The following DCLK2 variants were observed in gnomAD, a reference collection of about 807,000 sequenced individuals.
DCLK2 encodes the protein doublecortin like kinase 2.
In DCLK2, 31 loss-of-function variants were observed where a neutral mutation model predicts 78.4. The observed-to-expected ratio is 0.40, with a 90% CI of 0.30 to 0.53. The LOEUF (loss-of-function observed/expected upper bound fraction) is 0.53. Among genes scored for constraint, DCLK2 ranks in the 20% least tolerant of loss-of-function variants. The pLI is 0.61. For missense variants in DCLK2, 872 were observed against 973.7 expected, an observed-to-expected ratio of 0.90 and a Z score of 1.39; for synonymous variants, 407 against 374.9, an observed-to-expected ratio of 1.09 and a Z score of -0.99.
intron 2 of DCLK2, among the ~76,000 whole-genome samples, chr4:150,144,360 G>C (rs1056769721): frequency 2.6e-5 from 4 of 151,986 alleles, no homozygotes; most frequent in African/African-American, 9.7e-5. Flanking sequence ...ATTTATTTTT[G>C]TCAACTTTGT....
rs140418434 is a variant in DCLK2, at chr4:150,102,610, G to A, written c.554G>A (p.Ser185Asn). 51 of 1,614,058 alleles carry A rather than the reference G, an allele frequency of 3.2e-5. No homozygotes were observed. Among genetic ancestry groups the A allele is most frequent in the Non-Finnish European group, 4.1e-5 (48 of 1,180,040 alleles). ...RALAAASSVK[S>N]EVKESKDFIK... Reference sequence around the variant, plus strand: ...CTGGCTGCTGCCTCCTCTGTGAAAAGTGAAGTAAAAGAAAGTAAAGATTTC... The same window carrying A: ...CTGGCTGCTGCCTCCTCTGTGAAAAATGAAGTAAAAGAAAGTAAAGATTTC... The change falls in exon 2 of 16, where the codon AGT becomes AAT. Residue 185 changes from serine (S) to asparagine (N), a missense_variant. Around this residue, in one of 3 missense-constraint regions of DCLK2, gnomAD observed 567 missense variants for 593.4 expected, o/e 0.96. Coordinates refer to ENST00000296550, the MANE Select transcript of DCLK2 (RefSeq NM_001040260.4).
At chr4:150,176,522 A>G (rs1298792345) in intron 2 of DCLK2, among the ~76,000 whole-genome samples, 2 of 152,198 alleles carry the variant, frequency 1.3e-5, no homozygotes, top group African/African-American at 2.4e-5. Context: ...ACTTCTGTTC[A>G]TAATAATGGA....
chr4:150,122,522 A>ATGTG (rs921356136), intron 2 of DCLK2, among the ~76,000 whole-genome samples: 2 of 152,076 alleles, frequency 1.3e-5, no homozygotes, highest in African/African-American at 4.8e-5. Flanking sequence ...TAAACACCAC[A>ATGTG]TGTTCTCCCT....
chr4:150,121,721 A>G (rs1000041695), intron 2 of DCLK2, among the ~76,000 whole-genome samples: 4 of 152,346 alleles, frequency 2.6e-5, no homozygotes, highest in Admixed American at 2.6e-4. Context: ...TGGATCCATC[A>G]GAAGAATCGC....
intron 1 of DCLK2, among the ~76,000 whole-genome samples, chr4:150,097,172 CT>C (rs35494411): frequency 0.19 from 25,655 of 133,768 alleles, 2,025 homozygotes; most frequent in African/African-American, 0.23. Context: ...AATTTCTAGC[CT>C]TTTTTTTTTT....
Position 150,102,818 on chromosome 4 carries a change from A to G in DCLK2, c.756+6A>G, listed in dbSNP as rs763706125. On this transcript the variant is annotated splice_donor_region_variant and intron_variant, in intron 2 of 15. Transcript: ENST00000296550. Reference sequence around the variant, plus strand: ...GCACCCTGGATGGAAAGCAGGTAAGATGCTTCTAGCTCCCAGCTCTCCATC... The same window carrying G: ...GCACCCTGGATGGAAAGCAGGTAAGGTGCTTCTAGCTCCCAGCTCTCCATC... 1.9e-6 allele frequency: 3 copies of G among 1,593,264 alleles called. No individual in the cohort carries two copies. The highest frequency in any genetic ancestry group is 2.3e-5 in the South Asian group (2 of 88,522).
At chr4:150,135,870 CTGCT>C (rs1246669860) in intron 2 of DCLK2, among the ~76,000 whole-genome samples, 3 of 152,210 alleles carry the variant, frequency 2.0e-5, no homozygotes, top group African/African-American at 7.2e-5. Flanking sequence ...ACCAAGGAAG[CTGCT>C]TGCTTATGGA....
At chr4:150,162,207 T>A (rs913149831) in intron 2 of DCLK2, among the ~76,000 whole-genome samples, 2 of 152,044 alleles carry the variant, frequency 1.3e-5, no homozygotes, top group African/African-American at 2.4e-5. Context: ...ATTTTTTGCA[T>A]TTTTTGTAGA....
chr4:150,212,890 G>A (rs1056662132), intron 5 of DCLK2, among the ~76,000 whole-genome samples: 1 of 152,176 alleles, frequency 6.6e-6, no homozygotes, highest in Non-Finnish European at 1.5e-5. Flanking sequence ...TAACTGGATG[G>A]AGTTAAAGAC....
At chr4:150,223,201 A>G (rs1741330112) in intron 7 of DCLK2, among the ~76,000 whole-genome samples, 1 of 152,202 alleles carries the variant, frequency 6.6e-6, no homozygotes, top group Non-Finnish European at 1.5e-5. Flanking sequence ...CATCTAAAGT[A>G]TGACTTTTAA....
intron 15 of DCLK2, among the ~76,000 whole-genome samples, 166 bp from the exon 16 acceptor site, chr4:150,255,854 T>G (rs1471371398): frequency 6.6e-6 from 1 of 151,956 alleles, no homozygotes; most frequent in African/African-American, 2.4e-5. Flanking sequence ...CCCCGGTGGG[T>G]TCCCGAAACC....
At chr4:150,143,085 C>G (rs1026419295) in intron 2 of DCLK2, among the ~76,000 whole-genome samples, 4 of 152,164 alleles carry the variant, frequency 2.6e-5, no homozygotes, top group South Asian at 4.1e-4. Flanking sequence ...GCCTCCAGCT[C>G]TATCCATGTG....
At chr4:150,205,366 G>A (rs1404880648) in intron 5 of DCLK2, among the ~76,000 whole-genome samples, 2 of 152,192 alleles carry the variant, frequency 1.3e-5, no homozygotes, top group African/African-American at 4.8e-5. Context: ...ATAAAAAGAG[G>A]AATTCTGGAA....
At chr4:150,166,435 G>T (rs1736087169) in intron 2 of DCLK2, among the ~76,000 whole-genome samples, 1 of 152,074 alleles carries the variant, frequency 6.6e-6, no homozygotes. Flanking sequence ...TGAAGGCTGT[G>T]GTGAGCTATG....
At chr4:150,153,248 G>A (rs1735017933) in intron 2 of DCLK2, among the ~76,000 whole-genome samples, 1 of 152,120 alleles carries the variant, frequency 6.6e-6, no homozygotes, top group Admixed American at 6.5e-5. Flanking sequence ...ATCTTTTAAG[G>A]GAGGCCAGAA....
chr4:150,089,606 C>T (rs1351740409), intron 1 of DCLK2, among the ~76,000 whole-genome samples: 1 of 152,102 alleles, frequency 6.6e-6, no homozygotes, highest in Non-Finnish European at 1.5e-5. Context: ...ATTGCAGAAG[C>T]CAAGTATTGC....
intron 1 of DCLK2, among the ~76,000 whole-genome samples, chr4:150,088,910 G>A (rs554906270): frequency 1.2e-3 from 180 of 152,322 alleles, no homozygotes; most frequent in African/African-American, 4.0e-3. Context: ...TGGCACATGC[G>A]TAGGCCGGCT....
chr4:150,221,827 T>C (rs1741209761), intron 7 of DCLK2, 42 bp downstream of exon 7: 1 of 1,271,960 alleles, frequency 7.9e-7, no homozygotes, highest in African/African-American at 1.5e-5. Flanking sequence ...ATGAAAATGA[T>C]AAATAATGAA....
intron 5 of DCLK2, among the ~76,000 whole-genome samples, chr4:150,210,652 A>G (rs1396772056): frequency 6.6e-6 from 1 of 152,108 alleles, no homozygotes; most frequent in African/African-American, 2.4e-5. Flanking sequence ...GAAAAAAAGA[A>G]AAAAGGTTAT....
Sources: gnomAD v4.1 joint callset for allele counts (sites outside exome capture counted in the v4.1 genomes callset) on GRCh38, gnomAD v4.1.1 for gene constraint, gnomAD v4.1.1 regional missense constraint, MANE v1.5 for transcripts, NCBI Gene and HGNC (gene_info 2026-07-23, HGNC 2026-07-21) for gene names.